The following MTUS2 variants were observed in gnomAD, a reference collection of about 807,000 sequenced individuals.
MTUS2 encodes microtubule associated scaffold protein 2.
Under a neutral mutation model 114.1 loss-of-function variants are expected in MTUS2, and 40 were observed. That is an observed-to-expected ratio of 0.35 (90% CI 0.27 to 0.46). MTUS2 has a LOEUF of 0.46. Ranked by LOEUF, MTUS2 falls within the 20% of genes least tolerant of loss-of-function variation. The probability of loss-of-function intolerance (pLI) is 1.00; values close to 1 mark genes in which losing one functional copy is unlikely to be tolerated. For synonymous variants in MTUS2, 688 were observed against 672.0 expected (o/e 1.02, Z -0.37); for missense variants, 1,679 against 1,705.4 (o/e 0.98, Z 0.27).
rs146947749 is a variant in MTUS2 at position 29,344,126 on chromosome 13, T to C, written c.2906-15136T>C. Reference sequence around the variant, plus strand: ...GTGCTGATGAATGTACATTCTGCAGTTGTTGGGTAGAATGTTCTGTAAATA... The same window carrying C: ...GTGCTGATGAATGTACATTCTGCAGCTGTTGGGTAGAATGTTCTGTAAATA... On this transcript the variant is annotated intron_variant, in intron 7 of 15. Coordinates refer to ENST00000612955, the MANE Select transcript of MTUS2 (RefSeq NM_001033602.4). 3.9e-3 allele frequency among the ~76,000 whole-genome samples: 588 copies of C among 152,200 alleles called. 3 individuals carry two copies. Among genetic ancestry groups the C allele is most frequent in the African/African-American group, 0.014 (566 of 41,558 alleles).
chr13:28,909,438 T>C (rs1880261261), intron 2 of MTUS2, among the ~76,000 whole-genome samples: 1 of 152,166 alleles, frequency 6.6e-6, no homozygotes, highest in African/African-American at 2.4e-5. Context: ...AGGTATTTTA[T>C]TCTCTTTGAA....
intron 5 of MTUS2, among the ~76,000 whole-genome samples, chr13:29,223,238 C>T (rs1040686494): frequency 6.6e-6 from 1 of 152,120 alleles, no homozygotes; most frequent in Non-Finnish European, 1.5e-5. Context: ...CACCCATGGA[C>T]AAATCAGCAT....
chr13:29,341,032 TC>T (rs1187022393), intron 7 of MTUS2, among the ~76,000 whole-genome samples: 1 of 152,240 alleles, frequency 6.6e-6, no homozygotes, highest in African/African-American at 2.4e-5. Context: ...TACCACATTT[TC>T]TTTATCCACT....
chr13:28,852,212 G>A (rs190675362), intron 2 of MTUS2, among the ~76,000 whole-genome samples: 1 of 152,196 alleles, frequency 6.6e-6, no homozygotes, highest in Admixed American at 6.5e-5. Flanking sequence ...GTGCCCCTCT[G>A]TGTTCCCTGC....
intron 7 of MTUS2, among the ~76,000 whole-genome samples, chr13:29,356,901 G>T (rs1230333745): frequency 6.6e-6 from 1 of 152,176 alleles, no homozygotes; most frequent in Admixed American, 6.5e-5. Context: ...AGGTAGTTTG[G>T]TGTCACAGAG....
chr13:29,307,706 T>G (rs1899541566), intron 6 of MTUS2: 1 of 1,130,594 alleles, frequency 8.8e-7, no homozygotes, highest in Non-Finnish European at 1.3e-6. Context: ...TTTTTCAAGC[T>G]CATTTCCTGG....
intron 2 of MTUS2, among the ~76,000 whole-genome samples, chr13:28,960,223 G>C (rs939301699): frequency 3.3e-5 from 5 of 152,138 alleles, no homozygotes; most frequent in African/African-American, 1.2e-4. Context: ...AAAAAAGACA[G>C]GTGATAAGAA....
chr13:29,083,910 A>G (rs748093322), intron 4 of MTUS2, among the ~76,000 whole-genome samples: 7 of 152,236 alleles, frequency 4.6e-5, no homozygotes, highest in Non-Finnish European at 1.0e-4. Context: ...GAATGCTATG[A>G]TACTGGAAAA....
intron 5 of MTUS2, among the ~76,000 whole-genome samples, chr13:29,229,196 G>C (rs1296752267): frequency 6.6e-6 from 1 of 152,086 alleles, no homozygotes; most frequent in Non-Finnish European, 1.5e-5. Flanking sequence ...GTTTTCTGCA[G>C]TAATTCTTGG....
At chr13:29,301,903 C>G (rs902721983) in intron 6 of MTUS2, among the ~76,000 whole-genome samples, 2 of 152,126 alleles carry the variant, frequency 1.3e-5, no homozygotes, top group African/African-American at 4.8e-5. Context: ...ATAGATGGTG[C>G]CTTCTTGCTG....
At chr13:29,369,489 A>C (rs1015118631) in intron 8 of MTUS2, among the ~76,000 whole-genome samples, 1 of 152,236 alleles carries the variant, frequency 6.6e-6, no homozygotes, top group African/African-American at 2.4e-5. Context: ...GAGGTTTGAA[A>C]TTAAGAACAC....
intron 2 of MTUS2, among the ~76,000 whole-genome samples, chr13:28,982,159 G>A (rs9551584): frequency 0.17 from 25,912 of 152,112 alleles, 2,754 homozygotes; most frequent in East Asian, 0.52. Flanking sequence ...AGGGTGCAGG[G>A]TCAGGAAGAC....
chr13:29,460,980 A>G (rs551328309), intron 9 of MTUS2, among the ~76,000 whole-genome samples: 24 of 151,954 alleles, frequency 1.6e-4, no homozygotes, highest in African/African-American at 5.8e-4. Context: ...TAAACCAGGT[A>G]GTTTCTTAGG....
intron 2 of MTUS2, among the ~76,000 whole-genome samples, chr13:28,887,054 T>C (rs1406603397): frequency 6.6e-6 from 1 of 152,102 alleles, no homozygotes; most frequent in East Asian, 1.9e-4. Flanking sequence ...AGGTTCGAGT[T>C]GGAGATCAGC....
chr13:28,864,964 C>G (rs1352188055), intron 2 of MTUS2, among the ~76,000 whole-genome samples: 1 of 152,166 alleles, frequency 6.6e-6, no homozygotes, highest in African/African-American at 2.4e-5. Flanking sequence ...CATAGCAGCT[C>G]GCTCTTGAAG....
At chr13:29,224,180 C>T (rs1896017171) in intron 5 of MTUS2, among the ~76,000 whole-genome samples, 1 of 152,154 alleles carries the variant, frequency 6.6e-6, no homozygotes, top group Admixed American at 6.5e-5. Flanking sequence ...TGCCACTGGC[C>T]ATAAAGGTTT....
intron 4 of MTUS2, among the ~76,000 whole-genome samples, chr13:29,083,190 C>T (rs554149800): frequency 6.6e-6 from 1 of 152,276 alleles, no homozygotes; most frequent in South Asian, 2.1e-4. Context: ...GGTGGCAAGA[C>T]GTTGTACTAT....
chr13:28,840,877 G>A (rs1875426831), intron 2 of MTUS2, among the ~76,000 whole-genome samples: 3 of 152,212 alleles, frequency 2.0e-5, no homozygotes. Context: ...GGTCCCAAAA[G>A]GGTAGCCTGA....
chr13:28,830,255 C>T (rs1874574483), intron 1 of MTUS2, among the ~76,000 whole-genome samples: 3 of 152,084 alleles, frequency 2.0e-5, no homozygotes, highest in African/African-American at 2.4e-5. Flanking sequence ...AATTTCCACA[C>T]ACACAAGCAG....
Sources: gnomAD v4.1 joint callset for allele counts (sites outside exome capture counted in the v4.1 genomes callset) on GRCh38, gnomAD v4.1.1 for gene constraint, MANE v1.5 for transcripts, NCBI Gene and HGNC (gene_info 2026-07-23, HGNC 2026-07-21) for gene names.